LONP2: variants seen among roughly 807,000 people sequenced by gnomAD.
The protein encoded by LONP2 is lon protease homolog 2, peroxisomal.
Under a neutral mutation model 85.6 loss-of-function variants are expected in LONP2, and 60 were observed. The observed-to-expected ratio is 0.70, with a 90% CI of 0.57 to 0.87. LONP2 has a LOEUF of 0.87. Ranked by LOEUF, LONP2 falls within the 40% of genes least tolerant of loss-of-function variation. The pLI, the probability that LONP2 is intolerant of heterozygous loss-of-function variation, is 0.00. For synonymous variants in LONP2, 395 were observed against 389.7 expected, an observed-to-expected ratio of 1.01 and a Z score of -0.16; for missense variants, 860 against 1,063.5, an observed-to-expected ratio of 0.81 and a Z score of 2.66.
At chr16:48,272,238 A>G (rs1188919977) in intron 7 of LONP2, among the ~76,000 whole-genome samples, 1 of 152,204 alleles carries the variant, frequency 6.6e-6, no homozygotes, top group Non-Finnish European at 1.5e-5. Flanking sequence ...CTTCAGTATG[A>G]GTTTTTATAA....
At chr16:48,331,815 C>T (rs1055787612) in intron 11 of LONP2, among the ~76,000 whole-genome samples, 3 of 152,336 alleles carry the variant, frequency 2.0e-5, no homozygotes, top group East Asian at 1.9e-4. Context: ...CCACGCGCCT[C>T]GGCCTCCCAA....
chr16:48,347,391 CT>C, intron 12 of LONP2, 115 bp from the exon 13 acceptor site: 1 of 925,130 alleles, frequency 1.1e-6, no homozygotes, highest in African/African-American at 1.6e-5. Flanking sequence ...GTAACAAGGA[CT>C]TTGAGGTAAG....
At chr16:48,248,885 G>GA (rs768247989) in intron 1 of LONP2, among the ~76,000 whole-genome samples, 8,434 of 91,268 alleles carry the variant, frequency 0.092, 318 homozygotes, top group Middle Eastern at 0.23. Context: ...CTGTCTATAG[G>GA]AAAAAAAAAA....
At chr16:48,323,079 T>G (rs1468172841) in intron 11 of LONP2, among the ~76,000 whole-genome samples, 1 of 152,194 alleles carries the variant, frequency 6.6e-6, no homozygotes, top group Non-Finnish European at 1.5e-5. Flanking sequence ...GGAAGCTGAT[T>G]AAAGAGAAAA....
At chr16:48,317,966 A>G (rs1025125365) in intron 11 of LONP2, among the ~76,000 whole-genome samples, 1 of 152,186 alleles carries the variant, frequency 6.6e-6, no homozygotes, top group African/African-American at 2.4e-5. Flanking sequence ...TGGGACAGTG[A>G]AATCAACCTA....
In LONP2 at chr16:48,288,274, C is replaced by T. The variant is rs1202646600; in HGVS notation, c.1384-7741C>T. Among the ~76,000 whole-genome samples the T allele has an allele frequency of 2.7e-5, 4 of 150,578 alleles. No individual in the cohort carries two copies. The East Asian group carries it at 7.9e-4, about 30-fold the overall frequency. On this transcript the variant is annotated intron_variant, in intron 8 of 14. Coordinates refer to ENST00000285737, the MANE Select transcript of LONP2 (RefSeq NM_031490.5). ...GTTCAAGCGATTCTCCTGCCTCAGTCTCCTGAGTAGCTGAGATTACAGGCA... is the reference window on the plus strand; with the variant it reads ...GTTCAAGCGATTCTCCTGCCTCAGTTTCCTGAGTAGCTGAGATTACAGGCA...
At position 48,351,746 on chromosome 16, in the gene LONP2, T is replaced by C; in HGVS notation, c.2503T>C (p.Phe835Leu). The change falls in exon 15 of 15, where the codon TTT (phenylalanine) becomes CTT (leucine). Residue 835 changes from phenylalanine to leucine, a missense_variant. Physicochemically the swap from Phe to Leu is conservative, Grantham distance 22 (BLOSUM62 0). Around this residue, in one of 3 missense-constraint regions of LONP2, gnomAD observed 115 missense variants for 129.0 expected, o/e 0.89. Transcript: ENST00000285737. ...CCTGGATGAGGTTCTTAATGCAGCT[T>C]TTGATGGTGGCTTTACTGTCAAGAC... ...SCLDEVLNAA[F>L]DGGFTVKTRP... The C allele has an allele frequency of 6.2e-7, 1 of 1,614,168 alleles. No homozygotes were observed. The highest frequency in any genetic ancestry group is 8.5e-7 in the Non-Finnish European group (1 of 1,180,030).
chr16:48,336,254 T>G, intron 12 of LONP2: 1 of 400,876 alleles, frequency 2.5e-6, no homozygotes, highest in Admixed American at 2.9e-5. Flanking sequence ...ATGAGAAATT[T>G]TATAAACACT....
chr16:48,312,090 G>A lies in LONP2; in HGVS notation c.1795+8785G>A, dbSNP rs562520821. Among the ~76,000 whole-genome samples the A allele has an allele frequency of 4.0e-5, 6 of 151,880 alleles. No individual in the cohort carries two copies. In the South Asian group the frequency reaches 1.0e-3, roughly 26 times the overall value. On this transcript the variant is annotated intron_variant, in intron 11 of 14. Transcript: ENST00000285737. ...TGAGTAGCTGGGATTACAAGCGTGC[G>A]TTACCATGCCTGGCTAATTTTTGTA... is the stretch of plus-strand genomic sequence containing the variant.
chr16:48,266,028 A>C (rs1435115757), intron 6 of LONP2, among the ~76,000 whole-genome samples: 6 of 151,794 alleles, frequency 4.0e-5, no homozygotes, highest in Admixed American at 6.6e-5. Flanking sequence ...TTTTGACAGG[A>C]GTTTCACTCT....
intron 14 of LONP2, among the ~76,000 whole-genome samples, chr16:48,348,837 T>C (rs1167076013): frequency 6.6e-6 from 1 of 152,140 alleles, no homozygotes; most frequent in Non-Finnish European, 1.5e-5. Context: ...AAAATATTAG[T>C]GTGGTCATCA....
At chr16:48,253,597 G>C (rs1013306040) in intron 2 of LONP2, among the ~76,000 whole-genome samples, 1 of 152,296 alleles carries the variant, frequency 6.6e-6, no homozygotes, top group African/African-American at 2.4e-5. Context: ...AGGAATAAAG[G>C]AGATTGAGAG....
chr16:48,263,821 A>G (rs1971927121), intron 6 of LONP2, among the ~76,000 whole-genome samples: 2 of 152,170 alleles, frequency 1.3e-5, no homozygotes. Flanking sequence ...CTGCCCCAAT[A>G]ATCATGTAGG....
At chr16:48,249,111 A>G (rs1971554541) in intron 1 of LONP2, among the ~76,000 whole-genome samples, 1 of 152,212 alleles carries the variant, frequency 6.6e-6, no homozygotes, top group South Asian at 2.1e-4. Context: ...AATGAAAACA[A>G]TATTTTACAA....
downstream of LONP2, chr16:48,362,303 T>C (rs1468902078): frequency 6.2e-7 from 1 of 1,614,180 alleles, no homozygotes; most frequent in Non-Finnish European, 8.5e-7. This position sits in a 1 kb window ranked among gnomAD's most constrained non-coding sequence, Gnocchi z 4.2. Flanking sequence ...CAAAGCAGAC[T>C]GGACACTCAA....
At chr16:48,315,166 A>G (rs1160264815) in intron 11 of LONP2, among the ~76,000 whole-genome samples, 1 of 152,210 alleles carries the variant, frequency 6.6e-6, no homozygotes, top group Non-Finnish European at 1.5e-5. Context: ...ATTCGGTAGG[A>G]TTCTCAGAAA....
intron 11 of LONP2, among the ~76,000 whole-genome samples, chr16:48,319,162 T>A (rs542240024): frequency 9.9e-5 from 15 of 152,166 alleles, no homozygotes; most frequent in African/African-American, 3.4e-4. Context: ...GGCAGATCAC[T>A]TGAGGCCAGG....
At chr16:48,299,270 T>C (rs1972747031) in intron 9 of LONP2, among the ~76,000 whole-genome samples, 1 of 152,094 alleles carries the variant, frequency 6.6e-6, no homozygotes. Flanking sequence ...ATCCATTTAA[T>C]CTACATTTGA....
intron 11 of LONP2, among the ~76,000 whole-genome samples, chr16:48,326,229 G>C (rs574661329): frequency 6.6e-6 from 1 of 152,272 alleles, no homozygotes; most frequent in African/African-American, 2.4e-5. Context: ...TAGTATAACA[G>C]AAACAGTAGT....
Sources: allele counts gnomAD v4.1 joint callset (sites outside exome capture counted in the v4.1 genomes callset), GRCh38; gene constraint gnomAD v4.1.1; regional missense constraint gnomAD v4.1.1; non-coding constraint Gnocchi (gnomAD v3.1); transcripts MANE v1.5; gene names NCBI Gene and HGNC (gene_info 2026-07-23, HGNC 2026-07-21).